The following ROBO1 variants were observed in gnomAD, a reference collection of about 807,000 sequenced individuals.
ROBO1 encodes roundabout guidance receptor 1.
In ROBO1, 149 loss-of-function variants were observed where a neutral mutation model predicts 195.9. That is an observed-to-expected ratio of 0.76 (90% confidence interval 0.67 to 0.87). ROBO1 has a LOEUF of 0.87. ROBO1 is among the 40% of genes least tolerant of loss of function. The pLI is 0.00. For synonymous variants in ROBO1, 816 were observed against 733.2 expected (o/e 1.11, Z -1.82); for missense variants, 1,933 against 2,068.3 (o/e 0.93, Z 1.27).
At chr3:78,841,405 T>A (rs1423635020) in intron 4 of ROBO1, among the ~76,000 whole-genome samples, 1 of 152,094 alleles carries the variant, frequency 6.6e-6, no homozygotes, top group African/African-American at 2.4e-5. Flanking sequence ...TTGTGAAACA[T>A]AAAGAACTCC....
At position 78,729,628 on chromosome 3, in the gene ROBO1, T is replaced by C. The variant is rs571958327; in HGVS notation, c.658-11745A>G. 3.9e-5 allele frequency among the ~76,000 whole-genome samples: 6 copies of C among 152,260 alleles called. No homozygotes were observed. The South Asian group carries it at 1.2e-3, about 32-fold the overall frequency. ...GAGTGCTGATGAAATGGAGAGCAGA[T>C]GAAACAGTGAAGGCTTTTTAGCAGA... is the stretch of plus-strand genomic sequence containing the variant. On this transcript the variant is annotated intron_variant, in intron 5 of 30. Transcript: ENST00000464233.
intron 2 of ROBO1, among the ~76,000 whole-genome samples, chr3:79,498,943 C>T (rs184040237): frequency 3.5e-4 from 54 of 152,196 alleles, no homozygotes; most frequent in African/African-American, 1.3e-3. Flanking sequence ...CCCTTGTTTA[C>T]TCATTAACAA....
At chr3:79,571,421 A>G (rs568724989) in intron 2 of ROBO1, among the ~76,000 whole-genome samples, 4 of 152,252 alleles carry the variant, frequency 2.6e-5, no homozygotes, top group Admixed American at 2.6e-4. Context: ...AAAGATTTAT[A>G]GTTAGATTTT....
At chr3:79,034,333 T>A (rs914638544) in intron 3 of ROBO1, among the ~76,000 whole-genome samples, 4 of 152,236 alleles carry the variant, frequency 2.6e-5, no homozygotes, top group African/African-American at 9.6e-5. Context: ...TTCACAGAGA[T>A]GAAAAACGTC....
intron 4 of ROBO1, among the ~76,000 whole-genome samples, chr3:78,817,988 CA>C (rs2030328183): frequency 6.6e-6 from 1 of 152,130 alleles, no homozygotes; most frequent in African/African-American, 2.4e-5. Context: ...CTGGTTATAT[CA>C]AAATACAGTT....
intron 2 of ROBO1, among the ~76,000 whole-genome samples, chr3:79,461,407 G>T (rs992424512): frequency 2.6e-5 from 4 of 152,090 alleles, no homozygotes; most frequent in Non-Finnish European, 5.9e-5. Flanking sequence ...TCTGCTGAGG[G>T]ATTACAAGAA....
At chr3:78,603,174 A>G (rs1703274724) in intron 29 of ROBO1, among the ~76,000 whole-genome samples, 1 of 152,150 alleles carries the variant, frequency 6.6e-6, no homozygotes, top group Admixed American at 6.5e-5. Flanking sequence ...TAAAATATCT[A>G]TAGGCTTTTT....
intron 4 of ROBO1, among the ~76,000 whole-genome samples, chr3:78,914,478 T>G (rs114176100): frequency 0.027 from 4,039 of 152,030 alleles, 101 homozygotes; most frequent in Middle Eastern, 0.051. Flanking sequence ...TGTGTATATT[T>G]AGTATACATG....
At chr3:79,511,164 C>G (rs1940683800) in intron 2 of ROBO1, among the ~76,000 whole-genome samples, 1 of 152,102 alleles carries the variant, frequency 6.6e-6, no homozygotes, top group Non-Finnish European at 1.5e-5. Context: ...AAACACACAG[C>G]AGTTAATTAT....
intron 2 of ROBO1, among the ~76,000 whole-genome samples, chr3:79,521,415 A>T (rs749427632): frequency 1.3e-5 from 2 of 152,176 alleles, no homozygotes; most frequent in Non-Finnish European, 2.9e-5. Context: ...TTTGTGTTTT[A>T]ACCACAAGGT....
intron 1 of ROBO1, among the ~76,000 whole-genome samples, chr3:79,643,981 C>T (rs531778098): frequency 3.9e-4 from 59 of 152,094 alleles, no homozygotes; most frequent in African/African-American, 1.3e-3. Context: ...ACTTCACCTA[C>T]GAAGACACTT....
intron 1 of ROBO1, among the ~76,000 whole-genome samples, chr3:79,593,221 C>T (rs189403999): frequency 7.2e-4 from 110 of 152,072 alleles, no homozygotes; most frequent in Middle Eastern, 3.4e-3. Context: ...AATAAATATC[C>T]GTTTGCAGGT....
At chr3:79,036,270 A>G (rs2078379927) in intron 3 of ROBO1, among the ~76,000 whole-genome samples, 1 of 152,096 alleles carries the variant, frequency 6.6e-6, no homozygotes, top group African/African-American at 2.4e-5. Context: ...GATCATTTAT[A>G]TAATCAGTAT....
chr3:78,672,594 CAAAAAA>C (rs368446414), intron 10 of ROBO1, among the ~76,000 whole-genome samples: 2 of 73,932 alleles, frequency 2.7e-5, no homozygotes, highest in Admixed American at 1.7e-4. Context: ...GACCCTGTCT[CAAAAAA>C]AAAAAAAAAA....
intron 2 of ROBO1, among the ~76,000 whole-genome samples, chr3:79,146,245 G>A (rs960340566): frequency 2.0e-4 from 30 of 151,998 alleles, no homozygotes; most frequent in African/African-American, 6.3e-4. Context: ...ATCACTCACC[G>A]TGCAAAGGAG....
chr3:79,722,553 T>G (rs927619531), intron 1 of ROBO1, among the ~76,000 whole-genome samples: 1 of 152,192 alleles, frequency 6.6e-6, no homozygotes, highest in East Asian at 1.9e-4. Context: ...TCCAGTTAAT[T>G]ATCTCCCTCT....
At chr3:78,803,110 G>A (rs945154142) in intron 4 of ROBO1, among the ~76,000 whole-genome samples, 2 of 152,150 alleles carry the variant, frequency 1.3e-5, no homozygotes, top group Non-Finnish European at 2.9e-5. Flanking sequence ...ATGGGCTCGT[G>A]CATCAGACTT....
intron 1 of ROBO1, among the ~76,000 whole-genome samples, chr3:79,765,256 A>G (rs554747653): frequency 6.6e-6 from 1 of 152,304 alleles, no homozygotes; most frequent in East Asian, 1.9e-4. Flanking sequence ...GCAACAATAT[A>G]AGGTGAATGC....
chr3:79,502,543 C>G (rs115138760), intron 2 of ROBO1, among the ~76,000 whole-genome samples: 1,937 of 152,158 alleles, frequency 0.013, 37 homozygotes, highest in African/African-American at 0.042. Context: ...GCCTCCCAGA[C>G]GAGCGCCATC....
Sources: gnomAD v4.1 joint callset for allele counts (sites outside exome capture counted in the v4.1 genomes callset) on GRCh38, gnomAD v4.1.1 for gene constraint, MANE v1.5 for transcripts, NCBI Gene and HGNC (gene_info 2026-07-23, HGNC 2026-07-21) for gene names.